LRRTM4: variants seen among roughly 807,000 people sequenced by gnomAD.
The protein encoded by LRRTM4 is leucine-rich repeat transmembrane neuronal protein 4.
Under a neutral mutation model 47.6 loss-of-function variants are expected in LRRTM4, and 25 were observed. The observed-to-expected ratio is 0.53, with a 90% confidence interval of 0.38 to 0.73. LRRTM4 has a LOEUF of 0.73. Among genes scored for constraint, LRRTM4 ranks in the 30% least tolerant of loss-of-function variants. The pLI is 0.00. For missense variants in LRRTM4, 638 were observed against 713.4 expected (o/e 0.89, Z 1.20); for synonymous variants, 311 against 269.5 (o/e 1.15, Z -1.51).
At chr2:76,914,563 C>T (rs1674181106) in intron 3 of LRRTM4, among the ~76,000 whole-genome samples, 1 of 152,014 alleles carries the variant, frequency 6.6e-6, no homozygotes, top group Non-Finnish European at 1.5e-5. Flanking sequence ...AAGAGATTGT[C>T]ATATTGTGTC....
intron 3 of LRRTM4, among the ~76,000 whole-genome samples, chr2:76,774,049 C>T (rs548998717): frequency 4.7e-4 from 71 of 151,968 alleles, no homozygotes; most frequent in African/African-American, 1.4e-3. Flanking sequence ...TTTGACTACC[C>T]GAAAACTTAG....
At chr2:77,065,123 A>G (rs1278724860) in intron 3 of LRRTM4, among the ~76,000 whole-genome samples, 1 of 152,186 alleles carries the variant, frequency 6.6e-6, no homozygotes, top group African/African-American at 2.4e-5. Context: ...GGCAATTCAT[A>G]AGCATTATTT....
intron 3 of LRRTM4, among the ~76,000 whole-genome samples, chr2:77,322,062 A>G (rs1212842239): frequency 6.6e-6 from 1 of 152,188 alleles, no homozygotes; most frequent in African/African-American, 2.4e-5. Flanking sequence ...CCCCATTACA[A>G]ATGCAGAAAT....
At chr2:76,821,407 C>A (rs899464338) in intron 3 of LRRTM4, among the ~76,000 whole-genome samples, 44 of 151,712 alleles carry the variant, frequency 2.9e-4, no homozygotes, top group Non-Finnish European at 4.7e-4. Flanking sequence ...CACTTGAGGA[C>A]AGATGTCTAG....
chr2:76,779,655 C>A (rs1360256872), intron 3 of LRRTM4, among the ~76,000 whole-genome samples: 1 of 151,526 alleles, frequency 6.6e-6, no homozygotes, highest in Non-Finnish European at 1.5e-5. Flanking sequence ...CTATATGTGT[C>A]TCTGCACGTG....
chr2:77,513,197 A>G (rs78631551), intron 3 of LRRTM4, among the ~76,000 whole-genome samples: 2,457 of 152,312 alleles, frequency 0.016, 37 homozygotes, highest in Non-Finnish European at 0.022. Flanking sequence ...CCCCTCAAGC[A>G]TAAAGAAATT....
At chr2:77,220,089 C>A (rs1033480203) in intron 3 of LRRTM4, among the ~76,000 whole-genome samples, 4 of 152,148 alleles carry the variant, frequency 2.6e-5, no homozygotes, top group African/African-American at 9.7e-5. Context: ...GATACCCAGG[C>A]AAACAGGGTC....
At chr2:77,089,041 C>T (rs1572947758) in intron 3 of LRRTM4, among the ~76,000 whole-genome samples, 1 of 152,144 alleles carries the variant, frequency 6.6e-6, no homozygotes, top group African/African-American at 2.4e-5. Context: ...TGTTTAATCA[C>T]TGCAGGGACA....
chr2:77,178,156 T>C (rs529643089), intron 3 of LRRTM4, among the ~76,000 whole-genome samples: 1 of 152,352 alleles, frequency 6.6e-6, no homozygotes, highest in African/African-American at 2.4e-5. Flanking sequence ...ATTTAATTGT[T>C]AATCTGAATA....
chr2:76,962,925 T>A (rs1372846771), intron 3 of LRRTM4, among the ~76,000 whole-genome samples: 1 of 150,602 alleles, frequency 6.6e-6, no homozygotes, highest in African/African-American at 2.4e-5. Flanking sequence ...AATTTAAAAA[T>A]AGCACACTTA....
intron 3 of LRRTM4, among the ~76,000 whole-genome samples, chr2:77,327,289 G>C (rs1362630660): frequency 6.6e-6 from 1 of 152,116 alleles, no homozygotes; most frequent in Non-Finnish European, 1.5e-5. Context: ...AAAGAAAATG[G>C]AGTAACCCAA....
intron 3 of LRRTM4, among the ~76,000 whole-genome samples, chr2:77,005,097 GGAGT>G (rs1306654994): frequency 1.3e-5 from 2 of 151,942 alleles, no homozygotes; most frequent in African/African-American, 4.8e-5. Context: ...GGTTAATGCT[GGAGT>G]TAGTTAAGAC....
At chr2:77,055,144 C>G (rs1294364394) in intron 3 of LRRTM4, among the ~76,000 whole-genome samples, 1 of 152,256 alleles carries the variant, frequency 6.6e-6, no homozygotes, top group Admixed American at 6.5e-5. Context: ...AGGAGCTGTC[C>G]AGCACAGCGG....
At chr2:77,015,194 A>G (rs1166556787) in intron 3 of LRRTM4, among the ~76,000 whole-genome samples, 2 of 152,114 alleles carry the variant, frequency 1.3e-5, no homozygotes, top group African/African-American at 4.8e-5. Context: ...TGGATGGCCT[A>G]CCCTAGAGAT....
At chr2:76,974,594 A>G (rs919849495) in intron 3 of LRRTM4, among the ~76,000 whole-genome samples, 1 of 151,570 alleles carries the variant, frequency 6.6e-6, no homozygotes, top group Non-Finnish European at 1.5e-5. Context: ...TAACTATCCA[A>G]GTATATATCC....
intron 3 of LRRTM4, among the ~76,000 whole-genome samples, chr2:76,797,120 C>CAAAG (rs1226601176): frequency 1.3e-5 from 2 of 151,960 alleles, no homozygotes. Context: ...GAGAATGCCA[C>CAAAG]AAAGATACTC....
chr2:76,813,509 ATTCT>A (rs1273662563), intron 3 of LRRTM4, among the ~76,000 whole-genome samples: 2 of 152,150 alleles, frequency 1.3e-5, no homozygotes, highest in African/African-American at 2.4e-5. Flanking sequence ...CTTATGTGAT[ATTCT>A]TTCTGTTTCT....
At chr2:77,367,085 T>C (rs577877758) in intron 3 of LRRTM4, among the ~76,000 whole-genome samples, 2 of 151,992 alleles carry the variant, frequency 1.3e-5, no homozygotes, top group South Asian at 4.1e-4. Context: ...ATATTCTCTA[T>C]GTCCTCCATC....
At chr2:76,919,856 CTTG>C (rs766357894) in intron 3 of LRRTM4, among the ~76,000 whole-genome samples, 2 of 152,118 alleles carry the variant, frequency 1.3e-5, no homozygotes, top group Non-Finnish European at 2.9e-5. Flanking sequence ...GGTCTGTCTT[CTTG>C]TTGTGTCATT....
Sources: gnomAD v4.1 joint callset for allele counts (sites outside exome capture counted in the v4.1 genomes callset) on GRCh38, gnomAD v4.1.1 for gene constraint, MANE v1.5 for transcripts, NCBI Gene and HGNC (gene_info 2026-07-23, HGNC 2026-07-21) for gene names.